Variants in CMSS1 observed in about 807,000 individuals in gnomAD.
CMSS1 encodes the protein cms1 ribosomal small subunit homolog.
A neutral mutation model predicts 43.5 loss-of-function variants in CMSS1; 33 were observed. That is an observed-to-expected ratio of 0.76 (90% CI 0.57 to 1.01). CMSS1 has a LOEUF of 1.01. Among genes scored for constraint, CMSS1 ranks in the 50% least tolerant of loss-of-function variants. The pLI, the probability that CMSS1 is intolerant of heterozygous loss-of-function variation, is 0.00. For missense variants in CMSS1, 313 were observed against 326.4 expected (o/e 0.96, Z 0.32); for synonymous variants, 115 against 117.2 (o/e 0.98, Z 0.12).
Position 100,169,439 on chromosome 3 carries a change from T to C in CMSS1, c.518+1599T>C, listed in dbSNP as rs952614629. ...GAGACAAAACAAAGGAAAATCCAAGTCCTGAAGAAAGAGGAACTTGGTCAA... is the reference window on the plus strand; with the variant it reads ...GAGACAAAACAAAGGAAAATCCAAGCCCTGAAGAAAGAGGAACTTGGTCAA... On this transcript the variant is annotated intron_variant, in intron 6 of 9. Transcript: ENST00000421999. Among the ~76,000 whole-genome samples, 11 of 152,182 alleles carry C rather than the reference T, an allele frequency of 7.2e-5. 1 individual carries two copies. The highest frequency in any genetic ancestry group is 7.2e-4 in the Admixed American group (11 of 15,278).
In CMSS1 at chr3:100,122,447, T is replaced by C. The variant is rs140597714; in HGVS notation, c.65-24526T>C. Among the ~76,000 whole-genome samples, 1,082 of 152,344 alleles carry C rather than the reference T, an allele frequency of 7.1e-3. 4 individuals carry two copies. The highest frequency in any genetic ancestry group is 9.6e-3 in the African/African-American group (399 of 41,576). Reference sequence around the variant, plus strand: ...CTTAGTTTCCAACAACTCCATGATTTGGCAGCCTAGGCCGGAGCCACATGG... The same window carrying C: ...CTTAGTTTCCAACAACTCCATGATTCGGCAGCCTAGGCCGGAGCCACATGG... On this transcript the variant is annotated intron_variant, in intron 1 of 9. Coordinates refer to ENST00000421999, the MANE Select transcript of CMSS1 (RefSeq NM_032359.4).
chr3:99,829,984 T>A (rs758915428), intron 1 of CMSS1, among the ~76,000 whole-genome samples: 3 of 152,252 alleles, frequency 2.0e-5, no homozygotes, highest in Non-Finnish European at 2.9e-5. Context: ...GGAAATAATC[T>A]GATTTTCTTG....
intron 1 of CMSS1, chr3:99,849,186 C>A: frequency 6.2e-7 from 1 of 1,614,174 alleles, no homozygotes; most frequent in Non-Finnish European, 8.5e-7. Context: ...GATTCTCACT[C>A]TCCTCATATA....
rs371929412 is a variant in CMSS1 at position 99,964,677 on chromosome 3, T to C, written c.64+146634T>C. Among the ~76,000 whole-genome samples, 6 of 152,232 alleles carry C rather than the reference T, an allele frequency of 3.9e-5. No homozygotes were observed. The South Asian group carries it at 1.2e-3, about 32-fold the overall frequency. Reference sequence around the variant, plus strand: ...TTCCCAACCTGTTTCTCAATATGGCTCACAGAGAAGCTGGGAATATTTGTC... The same window carrying C: ...TTCCCAACCTGTTTCTCAATATGGCCCACAGAGAAGCTGGGAATATTTGTC... On this transcript the variant is annotated intron_variant, in intron 1 of 9. Transcript: ENST00000421999.
chr3:99,904,140 A>C (rs1306343074), intron 1 of CMSS1, among the ~76,000 whole-genome samples: 1 of 152,188 alleles, frequency 6.6e-6, no homozygotes, highest in East Asian at 1.9e-4. Context: ...GGCAATAGTG[A>C]GTGTGATGAA....
chr3:100,008,599 G>A (rs1007149057), intron 1 of CMSS1, among the ~76,000 whole-genome samples: 2 of 152,170 alleles, frequency 1.3e-5, no homozygotes, highest in African/African-American at 4.8e-5. Flanking sequence ...CAAAGACAGG[G>A]AACAATGGTG....
intron 1 of CMSS1, among the ~76,000 whole-genome samples, chr3:100,032,147 T>G (rs890871842): frequency 6.6e-6 from 1 of 152,166 alleles, no homozygotes; most frequent in African/African-American, 2.4e-5. Context: ...AGATTGTAGG[T>G]GTTAAAACAT....
intron 1 of CMSS1, among the ~76,000 whole-genome samples, chr3:99,977,200 G>A (rs879435584): frequency 6.6e-6 from 1 of 152,208 alleles, no homozygotes; most frequent in Admixed American, 6.5e-5. Context: ...TGGAGGAACA[G>A]ACAGGCAGCA....
intron 1 of CMSS1, chr3:100,051,438 G>A (rs2065370915): frequency 6.6e-6 from 1 of 151,608 alleles, no homozygotes; most frequent in Admixed American, 6.6e-5. Flanking sequence ...CATGTGCCAT[G>A]TTGGTGTGCT....
chr3:100,012,034 T>C (rs552519854), intron 1 of CMSS1, among the ~76,000 whole-genome samples: 68 of 152,226 alleles, frequency 4.5e-4, no homozygotes, highest in Admixed American at 1.1e-3. Flanking sequence ...TGGATTTCTT[T>C]TGAAAACCTT....
intron 1 of CMSS1, among the ~76,000 whole-genome samples, chr3:99,998,109 A>G (rs1023075321): frequency 1.3e-5 from 2 of 152,246 alleles, no homozygotes; most frequent in Non-Finnish European, 2.9e-5. Context: ...GCGGAAATTC[A>G]GAATCATAGT....
intron 1 of CMSS1, chr3:100,010,018 G>A (rs1434585586): frequency 5.9e-6 from 1 of 168,850 alleles, no homozygotes; most frequent in Non-Finnish European, 1.2e-5. Flanking sequence ...TGTTTGTTTT[G>A]GATTGTCCAT....
Position 99,983,422 on chromosome 3 carries a change from A to ATATATATG in CMSS1, c.65-163550_65-163549insATATATGT, listed in dbSNP as rs1559713456. Reference sequence around the variant, plus strand: ...TATATATATATATATATATATATGTATGTATGTATGTATATATATGTATGT... The same window carrying ATATATATG: ...TATATATATATATATATATATATGTATATATATGTGTATGTATGTATATATATGTATGT... On this transcript the variant is annotated intron_variant, in intron 1 of 9. Transcript: ENST00000421999. Among the ~76,000 whole-genome samples the ATATATATG allele has an allele frequency of 2.6e-4, 23 of 86,924 alleles. 1 individual carries two copies. The highest frequency in any genetic ancestry group is 2.0e-3 in the South Asian group (5 of 2,526). The allele number at this position is 86,924 out of a possible 152,430, so 57.0% of individuals were successfully genotyped here.
intron 1 of CMSS1, among the ~76,000 whole-genome samples, chr3:99,947,494 T>C (rs951630761): frequency 6.6e-6 from 1 of 152,192 alleles, no homozygotes; most frequent in Non-Finnish European, 1.5e-5. Context: ...CTTTTCCCTA[T>C]GGATCCAGAA....
chr3:100,147,269 T>TTC (rs1245261230), intron 2 of CMSS1, among the ~76,000 whole-genome samples: 2 of 145,648 alleles, frequency 1.4e-5, no homozygotes, highest in African/African-American at 5.1e-5. Flanking sequence ...CTTTTTCTTT[T>TTC]TTTTTTTTTT....
intron 1 of CMSS1, among the ~76,000 whole-genome samples, chr3:99,897,367 C>G (rs1347360600): frequency 3.3e-5 from 5 of 149,448 alleles, no homozygotes; most frequent in Non-Finnish European, 7.4e-5. Context: ...TAGACTTTGT[C>G]TCAAAAAAAA....
At chr3:100,069,843 G>T (rs1485801616) in intron 1 of CMSS1, among the ~76,000 whole-genome samples, 1 of 152,088 alleles carries the variant, frequency 6.6e-6, no homozygotes. Context: ...ACGAGAGGGA[G>T]CTGATATCTA....
At chr3:99,871,325 A>G (rs937804323) in intron 1 of CMSS1, among the ~76,000 whole-genome samples, 3 of 152,154 alleles carry the variant, frequency 2.0e-5, no homozygotes, top group Non-Finnish European at 4.4e-5. Context: ...TTTTGTATCA[A>G]ATAAGCAGCT....
chr3:100,086,672 T>C (rs771427547), intron 1 of CMSS1, among the ~76,000 whole-genome samples: 5 of 152,112 alleles, frequency 3.3e-5, no homozygotes, highest in African/African-American at 9.7e-5. Flanking sequence ...ATAAAAATCA[T>C]TGGAGAGTTG....
Sources: allele counts gnomAD v4.1 joint callset (sites outside exome capture counted in the v4.1 genomes callset), GRCh38; gene constraint gnomAD v4.1.1; transcripts MANE v1.5; gene names NCBI Gene and HGNC (gene_info 2026-07-23, HGNC 2026-07-21).